FOXP1: variants seen among roughly 807,000 people sequenced by gnomAD.
The protein encoded by FOXP1 is forkhead box P1.
FOXP1 carries 15 observed loss-of-function variants against 98.2 expected under a neutral mutation model. The ratio of observed to expected loss-of-function variants is 0.15; its 90% CI spans 0.10 to 0.24. FOXP1 has a LOEUF of 0.24. FOXP1 is among the 10% of genes least tolerant of loss of function. The pLI, the probability that FOXP1 is intolerant of heterozygous loss-of-function variation, is 1.00. For synonymous variants in FOXP1, 371 were observed against 314.5 expected (o/e 1.18, Z -1.90); for missense variants, 633 against 848.5 (o/e 0.75, Z 3.15).
intron 6 of FOXP1, among the ~76,000 whole-genome samples, chr3:71,195,717 C>T (rs1485745423): frequency 1.3e-5 from 2 of 152,154 alleles, no homozygotes; most frequent in African/African-American, 4.8e-5. Flanking sequence ...AAATTTTATC[C>T]GTGGTTTTGT....
chr3:71,579,046 T>C (rs1438750197), intron 2 of FOXP1, among the ~76,000 whole-genome samples: 1 of 152,236 alleles, frequency 6.6e-6, no homozygotes, highest in Non-Finnish European at 1.5e-5. Flanking sequence ...TTGTGCACCA[T>C]GGTTATGAAA....
At chr3:71,104,557 C>T (rs1164453284) in intron 7 of FOXP1, among the ~76,000 whole-genome samples, 3 of 152,148 alleles carry the variant, frequency 2.0e-5, no homozygotes, top group South Asian at 2.1e-4. Flanking sequence ...TTCACATCCT[C>T]TAACTGTCAT....
chr3:71,527,550 C>T (rs2043490794), intron 2 of FOXP1, among the ~76,000 whole-genome samples: 1 of 152,218 alleles, frequency 6.6e-6, no homozygotes, highest in African/African-American at 2.4e-5. Flanking sequence ...AGCACAAATG[C>T]TCAAGGTCTA....
At chr3:71,549,763 T>A (rs1031084972) in intron 2 of FOXP1, among the ~76,000 whole-genome samples, 1 of 150,380 alleles carries the variant, frequency 6.6e-6, no homozygotes, top group Non-Finnish European at 1.5e-5. Flanking sequence ...CAATTTCAAC[T>A]GTAACATCAA....
intron 2 of FOXP1, among the ~76,000 whole-genome samples, chr3:71,577,072 C>T (rs1198661510): frequency 6.6e-6 from 1 of 152,104 alleles, no homozygotes; most frequent in Non-Finnish European, 1.5e-5. Context: ...ACAGTGCGTG[C>T]GAAGAACACA....
intron 13 of FOXP1, among the ~76,000 whole-genome samples, chr3:70,997,207 G>A (rs894969986): frequency 5.3e-5 from 8 of 152,204 alleles, no homozygotes; most frequent in African/African-American, 1.4e-4. Flanking sequence ...GCTGTTTGAC[G>A]ACAAGCACAT....
In FOXP1 at chr3:71,112,643, AG is replaced by A. The variant is rs1559954103; in HGVS notation, c.181-7del. 2 of 1,610,606 alleles carry A rather than the reference AG, an allele frequency of 1.2e-6. No individual in the cohort carries two copies. Among genetic ancestry groups the A allele is most frequent in the South Asian group, 1.1e-5 (1 of 91,010 alleles). On this transcript the variant is annotated splice_region_variant and splice_polypyrimidine_tract_variant and intron_variant, in intron 6 of 20. Coordinates refer to ENST00000649528, the MANE Select transcript of FOXP1 (RefSeq NM_001349338.3). Reference sequence around the variant, plus strand: ...TGTCTTGCCACCTGAAGTGCCTGGAAGGAAAAACAAGAAAATCCTTTGCGTT... The same window carrying A: ...TGTCTTGCCACCTGAAGTGCCTGGAAGAAAAACAAGAAAATCCTTTGCGTT...
intron 6 of FOXP1, among the ~76,000 whole-genome samples, chr3:71,145,029 T>A (rs1372813802): frequency 6.6e-6 from 1 of 152,022 alleles, no homozygotes; most frequent in Non-Finnish European, 1.5e-5. Flanking sequence ...TCTTGCAGAG[T>A]AGGATTCCAT....
intron 2 of FOXP1, among the ~76,000 whole-genome samples, chr3:71,547,233 C>A (rs1443265513): frequency 6.6e-6 from 1 of 152,152 alleles, no homozygotes; most frequent in Non-Finnish European, 1.5e-5. Context: ...TCCTCCCCTT[C>A]ATTTTAACAC....
intron 13 of FOXP1, among the ~76,000 whole-genome samples, chr3:70,993,999 G>GAAGAAA (rs5849975): frequency 0.043 from 5,831 of 136,006 alleles, 225 homozygotes; most frequent in African/African-American, 0.081. Context: ...CGTCTCAAAA[G>GAAGAAA]AAGAAAAAGA....
chr3:70,976,871 G>C (rs1432571160), intron 17 of FOXP1, 70 bp downstream of exon 17: 1 of 1,121,668 alleles, frequency 8.9e-7, no homozygotes, highest in Non-Finnish European at 1.4e-6. Context: ...TAGCACAACT[G>C]CATTTTATCA....
At chr3:71,371,339 C>T (rs1449945789) in intron 3 of FOXP1, among the ~76,000 whole-genome samples, 1 of 152,148 alleles carries the variant, frequency 6.6e-6, no homozygotes, top group Non-Finnish European at 1.5e-5. Flanking sequence ...GGATTCCATG[C>T]TCAACCTCAG....
At chr3:71,059,643 C>A (rs1049895275) in intron 7 of FOXP1, among the ~76,000 whole-genome samples, 4 of 152,088 alleles carry the variant, frequency 2.6e-5, no homozygotes, top group African/African-American at 9.7e-5. Flanking sequence ...CTACTTCAAC[C>A]ACTTTCTCCT....
intron 5 of FOXP1, among the ~76,000 whole-genome samples, chr3:71,201,539 C>T (rs530986539): frequency 6.6e-6 from 1 of 151,828 alleles, no homozygotes; most frequent in East Asian, 1.9e-4. Flanking sequence ...CCCAGCTACT[C>T]GGGAGGCTGA....
chr3:70,986,619 C>T (rs1361333713), intron 14 of FOXP1, among the ~76,000 whole-genome samples: 1 of 152,188 alleles, frequency 6.6e-6, no homozygotes, highest in Non-Finnish European at 1.5e-5. Flanking sequence ...TTTTGCTTAG[C>T]TGGGTTCTAG....
At chr3:71,559,718 G>A (rs1018628138) in intron 2 of FOXP1, among the ~76,000 whole-genome samples, 8 of 152,094 alleles carry the variant, frequency 5.3e-5, no homozygotes, top group Non-Finnish European at 1.0e-4. Context: ...ATGGTGGCAC[G>A]TGCCTGTAGT....
At chr3:71,226,100 A>G (rs1313234801) in intron 5 of FOXP1, among the ~76,000 whole-genome samples, 1 of 152,236 alleles carries the variant, frequency 6.6e-6, no homozygotes, top group Non-Finnish European at 1.5e-5. Context: ...CTATTTTTAC[A>G]GTCACTTTGC....
intron 2 of FOXP1, among the ~76,000 whole-genome samples, chr3:71,494,415 T>G (rs2091268314): frequency 6.6e-6 from 1 of 152,220 alleles, no homozygotes; most frequent in Non-Finnish European, 1.5e-5. Flanking sequence ...TTACCATGAT[T>G]CACTCTCATG....
chr3:71,176,681 C>T (rs2061954586), intron 6 of FOXP1, among the ~76,000 whole-genome samples: 1 of 135,894 alleles, frequency 7.4e-6, no homozygotes, highest in Non-Finnish European at 1.5e-5. Context: ...TTCAAGGCTG[C>T]AGTGAGCTAT....
Sources: gnomAD v4.1 joint callset for allele counts (sites outside exome capture counted in the v4.1 genomes callset) on GRCh38, gnomAD v4.1.1 for gene constraint, MANE v1.5 for transcripts, NCBI Gene and HGNC (gene_info 2026-07-23, HGNC 2026-07-21) for gene names.